SHISA9: variants seen among roughly 807,000 people sequenced by gnomAD.
The protein encoded by SHISA9 is shisa family member 9, also known as protein shisa-9.
Under a neutral mutation model 38.0 loss-of-function variants are expected in SHISA9, and 13 were observed. That is an observed-to-expected ratio of 0.34 (90% CI 0.22 to 0.54). SHISA9 has a LOEUF of 0.54. Ranked by LOEUF, SHISA9 falls within the 20% of genes least tolerant of loss-of-function variation. The probability of loss-of-function intolerance (pLI) is 0.91; values close to 1 mark genes in which losing one functional copy is unlikely to be tolerated. For missense variants in SHISA9, 538 were observed against 575.8 expected (o/e 0.93, Z 0.67); for synonymous variants, 275 against 242.0 (o/e 1.14, Z -1.27).
intron 3 of SHISA9, among the ~76,000 whole-genome samples, chr16:13,211,419 C>A (rs1347104639): frequency 6.6e-6 from 1 of 151,924 alleles, no homozygotes; most frequent in South Asian, 2.1e-4. Context: ...CAGTGACATA[C>A]ACAGTTCATA....
intron 2 of SHISA9, among the ~76,000 whole-genome samples, chr16:13,011,118 T>A (rs1829484769): frequency 6.6e-6 from 1 of 152,202 alleles, no homozygotes; most frequent in Non-Finnish European, 1.5e-5. Flanking sequence ...GGAGTTTACG[T>A]TCTTGCTCAG....
At chr16:13,227,983 G>GCC (rs1263347877) in intron 4 of SHISA9, among the ~76,000 whole-genome samples, 1 of 152,198 alleles carries the variant, frequency 6.6e-6, no homozygotes, top group African/African-American at 2.4e-5. Context: ...GCAGGGAATA[G>GCC]GTAAAATATA....
At chr16:12,909,677 C>G (rs2071154150) in intron 1 of SHISA9, 2 of 889,580 alleles carry the variant, frequency 2.2e-6, no homozygotes, top group Non-Finnish European at 2.7e-6. Context: ...CGTCCCTGAC[C>G]AGGCTTAGTT....
the SHISA9 span, among the ~76,000 whole-genome samples, chr16:13,330,679 A>G: frequency 3.9e-5 from 6 of 152,166 alleles, no homozygotes; most frequent in Non-Finnish European, 4.4e-5. Context: ...TAATGGCTGC[A>G]TAGTATTCCA....
intron 2 of SHISA9, among the ~76,000 whole-genome samples, chr16:13,134,874 G>A (rs531501605): frequency 1.6e-4 from 24 of 152,216 alleles, no homozygotes; most frequent in African/African-American, 5.8e-4. Context: ...TGCTGAAGGA[G>A]CCACCCCTTC....
chr16:13,325,383 A>C, the SHISA9 span, among the ~76,000 whole-genome samples: 2 of 152,212 alleles, frequency 1.3e-5, no homozygotes, highest in Non-Finnish European at 1.5e-5. Context: ...CTAAACTCCA[A>C]AGGGAGGAAG....
intron 2 of SHISA9, among the ~76,000 whole-genome samples, chr16:13,189,066 A>T (rs67738272): frequency 4.6e-5 from 7 of 152,268 alleles, no homozygotes; most frequent in Admixed American, 4.6e-4. Flanking sequence ...GGAGAGAATC[A>T]TGGAGAACCC....
intron 2 of SHISA9, among the ~76,000 whole-genome samples, chr16:13,099,722 C>T (rs560030783): frequency 9.2e-5 from 14 of 152,280 alleles, no homozygotes; most frequent in African/African-American, 2.9e-4. Context: ...AAGAATCTTC[C>T]TTTTAGGCTC....
chr16:13,531,211 A>C, the SHISA9 span, among the ~76,000 whole-genome samples: 1 of 152,082 alleles, frequency 6.6e-6, no homozygotes, highest in African/African-American at 2.4e-5. Context: ...AACTAATGAG[A>C]GTTAATTAAG....
downstream of SHISA9, among the ~76,000 whole-genome samples, chr16:13,244,220 C>A (rs576618224): frequency 1.4e-4 from 22 of 152,118 alleles, no homozygotes; most frequent in South Asian, 6.2e-4. Flanking sequence ...ACAAAAAAAA[C>A]CCATTATCTC....
chr16:13,381,743 A>T, the SHISA9 span, among the ~76,000 whole-genome samples: 1 of 152,228 alleles, frequency 6.6e-6, no homozygotes, highest in Non-Finnish European at 1.5e-5. Context: ...AACTAAGTGT[A>T]TAGAAGAAAT....
At chr16:12,975,650 C>CG (rs796430576) in intron 2 of SHISA9, among the ~76,000 whole-genome samples, 15 of 8,178 alleles carry the variant, frequency 1.8e-3, no homozygotes, top group East Asian at 8.3e-3. Context: ...TGGGGTGGGA[C>CG]GGGGGCGGGG....
At chr16:13,553,022 T>A in the SHISA9 span, among the ~76,000 whole-genome samples, 1 of 152,098 alleles carries the variant, frequency 6.6e-6, no homozygotes, top group Non-Finnish European at 1.5e-5. Flanking sequence ...GCCTCTGCAA[T>A]CTAGATGCCA....
intron 2 of SHISA9, among the ~76,000 whole-genome samples, chr16:13,078,145 G>C (rs1462205921): frequency 6.6e-6 from 1 of 152,162 alleles, no homozygotes; most frequent in Admixed American, 6.5e-5. Context: ...AAGAAAAATA[G>C]CAAATGTGTA....
chr16:13,160,766 A>G (rs1366060992), intron 2 of SHISA9, among the ~76,000 whole-genome samples: 1 of 152,198 alleles, frequency 6.6e-6, no homozygotes, highest in Non-Finnish European at 1.5e-5. Flanking sequence ...AAATGCTTGC[A>G]TAGATGTGTC....
the SHISA9 span, among the ~76,000 whole-genome samples, chr16:13,516,574 T>C: frequency 6.6e-6 from 1 of 151,744 alleles, no homozygotes; most frequent in Non-Finnish European, 1.5e-5. Flanking sequence ...CTGAGGTGGG[T>C]GGATTGCCTG....
At chr16:13,298,082 T>C in the SHISA9 span, among the ~76,000 whole-genome samples, 1 of 152,194 alleles carries the variant, frequency 6.6e-6, no homozygotes, top group Non-Finnish European at 1.5e-5. Flanking sequence ...GAAACTCTTA[T>C]CTTCCATGGA....
At chr16:13,541,233 C>G in the SHISA9 span, among the ~76,000 whole-genome samples, 3 of 152,042 alleles carry the variant, frequency 2.0e-5, no homozygotes, top group African/African-American at 7.2e-5. Context: ...AGTTTCCTCT[C>G]CAGGGGCCAT....
the SHISA9 span, among the ~76,000 whole-genome samples, chr16:13,260,618 C>A: frequency 6.6e-6 from 1 of 152,144 alleles, no homozygotes; most frequent in African/African-American, 2.4e-5. Flanking sequence ...ACCTTATTGT[C>A]CATATTGATG....
Sources: allele counts gnomAD v4.1 joint callset (sites outside exome capture counted in the v4.1 genomes callset), GRCh38; gene constraint gnomAD v4.1.1; transcripts MANE v1.5; gene names NCBI Gene and HGNC (gene_info 2026-07-23, HGNC 2026-07-21).